Variants in CDYL observed in about 807,000 individuals in gnomAD.
CDYL encodes the protein chromodomain Y-like protein.
A neutral mutation model predicts 47.3 loss-of-function variants in CDYL; 8 were observed. The ratio of observed to expected loss-of-function variants is 0.17; its 90% CI spans 0.10 to 0.31. CDYL has a LOEUF of 0.31. Ranked by LOEUF, CDYL falls within the 10% of genes least tolerant of loss-of-function variation. CDYL has a pLI of 1.00. For synonymous variants in CDYL, 266 were observed against 265.0 expected (o/e 1.00, Z -0.04); for missense variants, 471 against 701.4 (o/e 0.67, Z 3.71).
At chr6:4,723,252 G>A (rs1216918208) in intron 2 of CDYL, among the ~76,000 whole-genome samples, 1 of 152,190 alleles carries the variant, frequency 6.6e-6, no homozygotes, top group Non-Finnish European at 1.5e-5. Context: ...ACAGGAGGAT[G>A]AAGTTTTATA....
chr6:4,954,156 A>G lies in CDYL; in HGVS notation c.*100A>G. 7.7e-7 allele frequency: 1 copy of G among 1,303,032 alleles called. No individual in the cohort carries two copies. The highest frequency in any genetic ancestry group is 1.0e-6 in the Non-Finnish European group (1 of 957,834). 80.7% of individuals were successfully genotyped at this position (1,303,032 alleles called of 1,614,324 possible). ...CATTCTCACAGCCTGAAACAAGCTC[A>G]CCCGTAGCTTACGCTTGGAAGCAGG... On this transcript the variant is annotated 3_prime_UTR_variant, in exon 7 of 7. Transcript: ENST00000397588.
At chr6:4,874,198 T>A (rs1339087230) in intron 1 of CDYL, among the ~76,000 whole-genome samples, 1 of 152,186 alleles carries the variant, frequency 6.6e-6, no homozygotes, top group Non-Finnish European at 1.5e-5. Flanking sequence ...GTATTTTTTT[T>A]TCATGAATTG....
chr6:4,868,197 T>G (rs1218068467), intron 1 of CDYL, among the ~76,000 whole-genome samples: 1 of 151,942 alleles, frequency 6.6e-6, no homozygotes, highest in East Asian at 1.9e-4. Flanking sequence ...ATAGAAAGAT[T>G]AGATTATTGG....
chr6:4,948,359 TC>T (rs1467896729), intron 5 of CDYL, among the ~76,000 whole-genome samples: 2 of 152,130 alleles, frequency 1.3e-5, no homozygotes, highest in African/African-American at 4.8e-5. Flanking sequence ...GTGTCAGAGT[TC>T]ACCATTCCCA....
chr6:4,792,434 T>A (rs921376471), intron 1 of CDYL, among the ~76,000 whole-genome samples: 36 of 134,008 alleles, frequency 2.7e-4, no homozygotes, highest in South Asian at 6.7e-4. Context: ...TAAAAAAAAA[T>A]TTTTTTTTTT....
chr6:4,774,336 T>C (rs1207877717), upstream of CDYL, among the ~76,000 whole-genome samples: 1 of 152,230 alleles, frequency 6.6e-6, no homozygotes, highest in Non-Finnish European at 1.5e-5. Context: ...ATTTCCCAAA[T>C]GTATAAAATC....
intron 1 of CDYL, among the ~76,000 whole-genome samples, chr6:4,859,907 CTTTTTTTTTT>C (rs1157813995): frequency 7.0e-6 from 1 of 142,604 alleles, no homozygotes; most frequent in African/African-American, 2.6e-5. Context: ...CTTTTTTTTT[CTTTTTTTTTT>C]TGGAGATGGA....
intron 2 of CDYL, among the ~76,000 whole-genome samples, chr6:4,909,625 AG>A (rs1232613082): frequency 5.3e-5 from 8 of 152,122 alleles, no homozygotes; most frequent in Non-Finnish European, 8.8e-5. Context: ...GCTGGAGTGC[AG>A]TAGCACCATC....
At chr6:4,809,200 T>A (rs1303042349) in intron 1 of CDYL, among the ~76,000 whole-genome samples, 1 of 152,238 alleles carries the variant, frequency 6.6e-6, no homozygotes, top group Non-Finnish European at 1.5e-5. Flanking sequence ...TGGTATAAGA[T>A]ACTCTTCTGC....
At chr6:4,815,839 T>A (rs1759659580) in intron 1 of CDYL, among the ~76,000 whole-genome samples, 1 of 151,986 alleles carries the variant, frequency 6.6e-6, no homozygotes, top group Non-Finnish European at 1.5e-5. Flanking sequence ...ATATATGTAT[T>A]TTTTGCTCTA....
chr6:4,780,026 G>T (rs151043656), intron 1 of CDYL, among the ~76,000 whole-genome samples: 2 of 152,114 alleles, frequency 1.3e-5, no homozygotes, highest in East Asian at 3.9e-4. Flanking sequence ...ATAGGCAGTG[G>T]GCTGGCTTTG....
chr6:4,906,560 G>A lies in CDYL; in HGVS notation c.691+14181G>A, dbSNP rs1051054986. Among the ~76,000 whole-genome samples the A allele has an allele frequency of 2.6e-5, 4 of 152,220 alleles. 1 individual carries two copies. The highest frequency in any genetic ancestry group is 2.9e-5 in the Non-Finnish European group (2 of 68,042). ...TGGAAGGCATGACATTGCGTACAGA[G>A]TGTATCGGTTGCTTCTGATTTCCGT... On this transcript the variant is annotated intron_variant, in intron 2 of 6. Coordinates refer to ENST00000397588, the MANE Select transcript of CDYL (RefSeq NM_004824.4).
chr6:4,942,026 T>A (rs900240077), intron 4 of CDYL, among the ~76,000 whole-genome samples: 3 of 152,204 alleles, frequency 2.0e-5, no homozygotes, highest in African/African-American at 7.2e-5. Flanking sequence ...CTTCAAAAGA[T>A]GACACAACTG....
At chr6:4,885,314 G>A (rs1056807221) in intron 1 of CDYL, among the ~76,000 whole-genome samples, 4 of 152,158 alleles carry the variant, frequency 2.6e-5, no homozygotes, top group Non-Finnish European at 5.9e-5. Flanking sequence ...TTTAACTTGT[G>A]TACCGTTCTG....
chr6:4,795,703 TTTCTC>T (rs1159743747), intron 1 of CDYL, among the ~76,000 whole-genome samples: 3 of 152,016 alleles, frequency 2.0e-5, no homozygotes, highest in African/African-American at 7.2e-5. Flanking sequence ...AGGTATTTCT[TTTCTC>T]TTTTTTTTTT....
chr6:4,932,670 C>G (rs1260839754), intron 2 of CDYL, among the ~76,000 whole-genome samples: 3 of 152,144 alleles, frequency 2.0e-5, no homozygotes, highest in Non-Finnish European at 4.4e-5. Flanking sequence ...CTGAAGGAAC[C>G]CCCTTCTTAG....
chr6:4,763,649 A>C (rs746976635), intron 3 of CDYL, among the ~76,000 whole-genome samples: 7 of 152,166 alleles, frequency 4.6e-5, no homozygotes, highest in Non-Finnish European at 8.8e-5. Context: ...TAATAGAATA[A>C]TTTTTTTGTA....
intron 3 of CDYL, among the ~76,000 whole-genome samples, chr6:4,748,452 A>C (rs2127419155): frequency 6.6e-6 from 1 of 152,306 alleles, no homozygotes; most frequent in African/African-American, 2.4e-5. Flanking sequence ...AGCTTGAGAA[A>C]GAGAATTCTG....
intron 1 of CDYL, among the ~76,000 whole-genome samples, chr6:4,865,755 A>T (rs1761302752): frequency 6.6e-6 from 1 of 152,246 alleles, no homozygotes; most frequent in Non-Finnish European, 1.5e-5. Flanking sequence ...CATGAAGATA[A>T]AGTGATTTTA....
Sources: allele counts gnomAD v4.1 joint callset (sites outside exome capture counted in the v4.1 genomes callset), GRCh38; gene constraint gnomAD v4.1.1; transcripts MANE v1.5; gene names NCBI Gene and HGNC (gene_info 2026-07-23, HGNC 2026-07-21).